GNB1L: variants seen among roughly 807,000 people sequenced by gnomAD.
The protein encoded by GNB1L is G protein subunit beta 1 like.
GNB1L carries 20 observed loss-of-function variants against 29.1 expected under a neutral mutation model. The observed-to-expected ratio is 0.69, with a 90% CI of 0.48 to 1.00. GNB1L has a LOEUF of 1.00. Among genes scored for constraint, GNB1L ranks in the 50% least tolerant of loss-of-function variants. The pLI, the probability that GNB1L is intolerant of heterozygous loss-of-function variation, is 0.00. For synonymous variants in GNB1L, 193 were observed against 206.5 expected, an observed-to-expected ratio of 0.93 and a Z score of 0.56; for missense variants, 421 against 464.9, an observed-to-expected ratio of 0.91 and a Z score of 0.87.
intron 2 of GNB1L, among the ~76,000 whole-genome samples, chr22:19,835,630 C>T (rs917839087): frequency 6.6e-5 from 10 of 151,788 alleles, no homozygotes; most frequent in African/African-American, 1.5e-4. Flanking sequence ...GTCAAGATCG[C>T]GCCACTGCAC....
rs569294684 is a variant in GNB1L at position 19,847,611 on chromosome 22, GGT to G, written c.-21+6830_-21+6831del. 2.2e-4 allele frequency: 210 copies of G among 974,800 alleles called. No homozygotes were observed. The African/African-American group carries it at 3.1e-3, about 15-fold the overall frequency. The allele number at this position is 974,800 out of a possible 1,614,324, so 60.4% of individuals were successfully genotyped here. A position where few individuals can be genotyped will look rare whatever the true frequency, so the allele number is the denominator to read the frequency against. On this transcript the variant is annotated intron_variant, in intron 2 of 7. Transcript: ENST00000329517. ...TCCCTGCTCTAAACCCCCATGTAGTGGTACCGAACCATGACCACCCCTGGCAA... is the reference window on the plus strand; with the variant it reads ...TCCCTGCTCTAAACCCCCATGTAGTGACCGAACCATGACCACCCCTGGCAA...
intron 2 of GNB1L, among the ~76,000 whole-genome samples, chr22:19,834,140 G>A (rs1937726198): frequency 6.6e-6 from 1 of 152,070 alleles, no homozygotes; most frequent in Admixed American, 6.6e-5. Flanking sequence ...AAGCACATAT[G>A]TTTAAGAACA....
At position 19,830,864 on chromosome 22, in the gene GNB1L, A is replaced by G. The variant is rs542889057; in HGVS notation, c.-20-9489T>C. Among the ~76,000 whole-genome samples, 7 of 152,350 alleles carry G rather than the reference A, an allele frequency of 4.6e-5. No individual in the cohort carries two copies. The East Asian group carries it at 9.6e-4, about 21-fold the overall frequency. ...GATCAGTGAAATAGAAAGCCTAGAA[A>G]TAAACCCAAGTACGTGTGGAAGTTT... On this transcript the variant is annotated intron_variant, in intron 2 of 7. Coordinates refer to ENST00000329517, the MANE Select transcript of GNB1L (RefSeq NM_053004.3).
intron 4 of GNB1L, 32 bp from the exon 5 acceptor site, chr22:19,812,479 T>C: frequency 1.9e-6 from 3 of 1,588,686 alleles, no homozygotes; most frequent in Non-Finnish European, 1.7e-6. Flanking sequence ...GGCCTGAGAC[T>C]CCCCTTGACA....
intron 4 of GNB1L, 88 bp downstream of exon 4, chr22:19,820,510 C>T: frequency 2.1e-6 from 3 of 1,400,150 alleles, no homozygotes; most frequent in Non-Finnish European, 2.0e-6. Flanking sequence ...CCCCATTCTG[C>T]CCCTCAGTGG....
At position 19,788,390 on chromosome 22, in the gene GNB1L, G is replaced by C; in HGVS notation, c.*319C>G. The C allele has an allele frequency of 1.7e-6, 1 of 588,514 alleles. No individual in the cohort carries two copies. Among genetic ancestry groups the C allele is most frequent in the East Asian group, 2.8e-5 (1 of 35,510 alleles). The allele number at this position is 588,514 out of a possible 1,614,324, so 36.5% of individuals were successfully genotyped here. On this transcript the variant is annotated 3_prime_UTR_variant, in exon 8 of 8. Coordinates refer to ENST00000329517, the MANE Select transcript of GNB1L (RefSeq NM_053004.3). Reference sequence around the variant, plus strand: ...AAGTGGGGGACCAGGGCCTCCTCAGGGAGCTCCCACCTCAAGCCTGCAACT... The same window carrying C: ...AAGTGGGGGACCAGGGCCTCCTCAGCGAGCTCCCACCTCAAGCCTGCAACT...
intron 2 of GNB1L, among the ~76,000 whole-genome samples, chr22:19,840,575 C>T (rs1937843013): frequency 1.3e-5 from 2 of 151,970 alleles, no homozygotes; most frequent in South Asian, 2.1e-4. Context: ...TTTGGGAGGT[C>T]GAGGCGGGTG....
At chr22:19,810,598 C>T (rs1270199897) in intron 5 of GNB1L, among the ~76,000 whole-genome samples, 1 of 152,202 alleles carries the variant, frequency 6.6e-6, no homozygotes, top group Non-Finnish European at 1.5e-5. Flanking sequence ...TACTTGGAGC[C>T]TCCTACAGAC....
chr22:19,849,582 G>A (rs1018157685), intron 2 of GNB1L: 5 of 560,602 alleles, frequency 8.9e-6, no homozygotes, highest in Non-Finnish European at 9.0e-6. Flanking sequence ...GGTCAGGCTG[G>A]TCTTGAACTC....
chr22:19,835,676 T>TA (rs879909076), intron 2 of GNB1L, among the ~76,000 whole-genome samples: 111 of 143,424 alleles, frequency 7.7e-4, no homozygotes, highest in African/African-American at 1.9e-3. Context: ...TCTGTCTCGA[T>TA]AAAAAAAAAA....
At chr22:19,829,486 A>G (rs988432804) in intron 2 of GNB1L, among the ~76,000 whole-genome samples, 1 of 152,218 alleles carries the variant, frequency 6.6e-6, no homozygotes, top group Non-Finnish European at 1.5e-5. Context: ...GAAACCACAA[A>G]AATTTTTTTA....
At chr22:19,824,184 C>T (rs573237201) in intron 2 of GNB1L, among the ~76,000 whole-genome samples, 2 of 152,400 alleles carry the variant, frequency 1.3e-5, no homozygotes, top group Non-Finnish European at 2.9e-5. Flanking sequence ...AAAATAAATG[C>T]TTTATTTGAA....
At chr22:19,836,318 G>C (rs1370573624) in intron 2 of GNB1L, among the ~76,000 whole-genome samples, 1 of 151,982 alleles carries the variant, frequency 6.6e-6, no homozygotes, top group Non-Finnish European at 1.5e-5. Flanking sequence ...GGAAGACACA[G>C]ACTATGTGAA....
intron 2 of GNB1L, among the ~76,000 whole-genome samples, 189 bp downstream of exon 2, chr22:19,854,229 CGGCGCATGTGTGTTTGCCCCCACAA>C (rs1947832102): frequency 1.3e-5 from 2 of 152,226 alleles, no homozygotes; most frequent in South Asian, 4.1e-4. Flanking sequence ...GCAGGTACCA[CGGCGCATGTGTGTTTGCCCCCACAA>C]GGCCAAAGGC....
At position 19,783,263 on chromosome 22, in the gene GNB1L, C is replaced by T. The variant is rs28605486; in HGVS notation, c.*5446G>A. 6.0e-3 allele frequency: 3,137 copies of T among 524,042 alleles called. 71 individuals are homozygous for T. The highest frequency in any genetic ancestry group is 0.054 in the African/African-American group (2,806 of 52,262). The allele number at this position is 524,042 out of a possible 1,614,324, so 32.5% of individuals were successfully genotyped here. ...TTATTAATGTAGCAAGAGATAATGG[C>T]ACCAGGATGAGGCCAAATGACTCGA... On this transcript the variant is annotated 3_prime_UTR_variant, in exon 8 of 8. Transcript: ENST00000329517.
rs1326105957 is a variant in GNB1L, at chr22:19,802,111, C to T, written c.622G>A (p.Glu208Lys). The T allele has an allele frequency of 3.7e-6, 6 of 1,613,550 alleles. No individual in the cohort carries two copies. The highest frequency in any genetic ancestry group is 5.1e-6 in the Non-Finnish European group (6 of 1,180,020). The change falls in exon 7 of 8, where the codon GAG (glutamate) becomes AAG (lysine). Residue 208 changes from glutamate to lysine, a missense_variant. By Grantham distance (56) the Glu-to-Lys change is moderately conservative. Coordinates refer to ENST00000329517, the MANE Select transcript of GNB1L (RefSeq NM_053004.3). Reference protein sequence around the residue: ...QKVCSRIACHEEPVMDLDFDS... With the variant: ...QKVCSRIACHKEPVMDLDFDS... ...AAGTCAAGGTCCATGACGGGCTCCT[C>T]ATGGCAGGCGATGCGGCTGCACACC...
intron 4 of GNB1L, 150 bp downstream of exon 4, chr22:19,820,448 G>T: frequency 1.2e-6 from 1 of 805,560 alleles, no homozygotes; most frequent in Non-Finnish European, 1.9e-6. Context: ...GGCTGGACCT[G>T]CACACCCTGC....
chr22:19,826,292 C>T (rs1053805402), intron 2 of GNB1L, among the ~76,000 whole-genome samples: 4 of 152,226 alleles, frequency 2.6e-5, no homozygotes, highest in African/African-American at 9.6e-5. Context: ...CTAACTCACA[C>T]CACCTTGAGA....
intron 7 of GNB1L, among the ~76,000 whole-genome samples, chr22:19,798,966 G>A (rs570913699): frequency 2.6e-5 from 4 of 152,244 alleles, no homozygotes; most frequent in East Asian, 1.9e-4. Context: ...CTCCTGATGC[G>A]ATGCACGGGG....
Sources: allele counts gnomAD v4.1 joint callset (sites outside exome capture counted in the v4.1 genomes callset), GRCh38; gene constraint gnomAD v4.1.1; transcripts MANE v1.5; gene names NCBI Gene and HGNC (gene_info 2026-07-23, HGNC 2026-07-21).